Variants in CCDC171 observed in about 807,000 individuals in gnomAD.
CCDC171 encodes coiled-coil domain-containing protein 171.
CCDC171 carries 177 observed loss-of-function variants against 168.2 expected under a neutral mutation model. The ratio of observed to expected loss-of-function variants is 1.05; its 90% CI spans 0.93 to 1.19. The LOEUF (loss-of-function observed/expected upper bound fraction) is 1.19, where lower values mean the gene tolerates loss of function less well. CCDC171 is among the 50% of genes most tolerant of loss of function. The pLI is 0.00. For synonymous variants in CCDC171, 687 were observed against 540.8 expected, an observed-to-expected ratio of 1.27 and a Z score of -3.75; for missense variants, 1,991 against 1,539.0, an observed-to-expected ratio of 1.29 and a Z score of -4.91.
At chr9:15,828,491 A>G (rs766011188) in intron 21 of CCDC171, among the ~76,000 whole-genome samples, 3 of 152,218 alleles carry the variant, frequency 2.0e-5, no homozygotes, top group African/African-American at 4.8e-5. Flanking sequence ...TTAGATTTAT[A>G]TGTAGGACGT....
intron 25 of CCDC171, among the ~76,000 whole-genome samples, chr9:15,936,247 G>A (rs1827103139): frequency 6.6e-6 from 1 of 151,674 alleles, no homozygotes; most frequent in Admixed American, 6.6e-5. Context: ...GCTTAATTTG[G>A]GTGAATTCAT....
At chr9:15,624,806 A>G (rs529364015) in intron 7 of CCDC171, among the ~76,000 whole-genome samples, 2 of 152,210 alleles carry the variant, frequency 1.3e-5, no homozygotes, top group Non-Finnish European at 2.9e-5. Context: ...AGCATGATTT[A>G]TAATCCTTTG....
intron 1 of CCDC171, among the ~76,000 whole-genome samples, chr9:15,558,987 T>G (rs553280904): frequency 5.9e-5 from 9 of 152,308 alleles, no homozygotes; most frequent in African/African-American, 1.7e-4. Flanking sequence ...CATTTCGTTA[T>G]GTACCCAGCA....
At chr9:15,895,756 C>G (rs1820816466) in intron 24 of CCDC171, among the ~76,000 whole-genome samples, 2 of 152,092 alleles carry the variant, frequency 1.3e-5, no homozygotes, top group South Asian at 4.1e-4. Flanking sequence ...CAAGCAACTT[C>G]CAGTTTATCA....
chr9:15,598,616 T>A (rs902110945), intron 6 of CCDC171, among the ~76,000 whole-genome samples: 1 of 152,024 alleles, frequency 6.6e-6, no homozygotes, highest in Non-Finnish European at 1.5e-5. Context: ...TGAAAAGAAT[T>A]TGTATTCTGT....
intron 6 of CCDC171, among the ~76,000 whole-genome samples, chr9:15,608,402 A>G (rs909545155): frequency 4.6e-5 from 7 of 152,182 alleles, no homozygotes; most frequent in African/African-American, 1.7e-4. Flanking sequence ...AATATGTGCC[A>G]AATTGTTCTC....
intron 18 of CCDC171, among the ~76,000 whole-genome samples, chr9:15,776,972 T>A (rs990805391): frequency 3.9e-5 from 6 of 152,210 alleles, no homozygotes; most frequent in Non-Finnish European, 7.4e-5. Flanking sequence ...TTACATGGCT[T>A]TATTAAGGCG....
intron 7 of CCDC171, among the ~76,000 whole-genome samples, chr9:15,644,812 G>A (rs1271973511): frequency 6.6e-6 from 1 of 152,202 alleles, no homozygotes; most frequent in East Asian, 1.9e-4. Context: ...CTCCACCTCT[G>A]GGGGCAGGGC....
intron 16 of CCDC171, among the ~76,000 whole-genome samples, chr9:15,732,867 A>G (rs979741466): frequency 6.6e-6 from 1 of 152,134 alleles, no homozygotes; most frequent in African/African-American, 2.4e-5. Context: ...GGTAAGTGTA[A>G]CTTAAGCAAC....
chr9:15,623,729 G>T (rs749211506), intron 7 of CCDC171, among the ~76,000 whole-genome samples: 4 of 151,982 alleles, frequency 2.6e-5, no homozygotes, highest in African/African-American at 9.7e-5. Context: ...TACATTATTA[G>T]GTTGAGAAAG....
intron 3 of CCDC171, among the ~76,000 whole-genome samples, chr9:15,995,550 C>T (rs1157017559): frequency 1.3e-5 from 2 of 152,228 alleles, no homozygotes; most frequent in Non-Finnish European, 2.9e-5. Context: ...TCCTTAATTT[C>T]TGTAGGAGCT....
At chr9:15,573,350 A>C (rs1239457613) in intron 3 of CCDC171, among the ~76,000 whole-genome samples, 2 of 151,980 alleles carry the variant, frequency 1.3e-5, no homozygotes, top group Non-Finnish European at 2.9e-5. Flanking sequence ...ATCTCGGCTC[A>C]CTGCAACCAC....
chr9:15,659,190 T>A (rs2048142562), intron 8 of CCDC171, among the ~76,000 whole-genome samples: 1 of 152,208 alleles, frequency 6.6e-6, no homozygotes, highest in Non-Finnish European at 1.5e-5. Context: ...ATCCTGCTTT[T>A]TGTGAACAGA....
intron 1 of CCDC171, among the ~76,000 whole-genome samples, chr9:16,053,422 G>T (rs1833783280): frequency 2.0e-5 from 3 of 152,248 alleles, no homozygotes; most frequent in African/African-American, 7.2e-5. Flanking sequence ...AGGCAAGTAA[G>T]GGCTCACATG....
chr9:15,837,523 A>G (rs1231301491), intron 21 of CCDC171, among the ~76,000 whole-genome samples: 1 of 152,192 alleles, frequency 6.6e-6, no homozygotes, highest in African/African-American at 2.4e-5. Flanking sequence ...CCCAGAATAT[A>G]TATTTTTCAA....
chr9:16,009,392 C>T lies in CCDC171; in HGVS notation n.369-11197C>T, dbSNP rs73415808. ...CCCTGTTATTAAACCTAGTATACCA[C>T]AGTTGTTTTTCCTTAGCTCATTGTT... On this transcript the variant is annotated intron_variant and non_coding_transcript_variant, in intron 3 of 9. Coordinates refer to the CCDC171 transcript ENST00000486641. Among the ~76,000 whole-genome samples, 1,034 of 152,302 alleles carry T rather than the reference C, an allele frequency of 6.8e-3. 13 individuals are homozygous for T. The highest frequency in any genetic ancestry group is 0.024 in the African/African-American group (981 of 41,572).
At chr9:15,878,157 G>A (rs1014547396) in intron 24 of CCDC171, among the ~76,000 whole-genome samples, 1 of 152,090 alleles carries the variant, frequency 6.6e-6, no homozygotes. Flanking sequence ...AAGAGCTTCT[G>A]TACAGCAAAA....
chr9:15,578,785 A>T, intron 3 of CCDC171, 64 bp from the exon 4 acceptor site: 1 of 1,319,002 alleles, frequency 7.6e-7, no homozygotes, highest in Non-Finnish European at 1.0e-6. Flanking sequence ...TAAGAAACTT[A>T]AATGTTTGAG....
Position 15,962,448 on chromosome 9 carries a change from T to C in CCDC171, c.3754-9161T>C, listed in dbSNP as rs149968031. Among the ~76,000 whole-genome samples, 35 of 152,340 alleles carry C rather than the reference T, an allele frequency of 2.3e-4. No homozygotes were observed. The East Asian group carries it at 6.7e-3, about 29-fold the overall frequency. ...AAATGGCATTAAGCATTTAAGACAGTTGCCCAATTATAGATCCAATGGTTC... is the reference window on the plus strand; with the variant it reads ...AAATGGCATTAAGCATTTAAGACAGCTGCCCAATTATAGATCCAATGGTTC... On this transcript the variant is annotated intron_variant, in intron 25 of 25. Transcript: ENST00000380701.
Sources: gnomAD v4.1 joint callset for allele counts (sites outside exome capture counted in the v4.1 genomes callset) on GRCh38, gnomAD v4.1.1 for gene constraint, MANE v1.5 for transcripts, NCBI Gene and HGNC (gene_info 2026-07-23, HGNC 2026-07-21) for gene names.